Variants in BRME1 observed in about 807,000 individuals in gnomAD.
BRME1 encodes BRCA2 and MEILB2-associating protein 1.
BRME1 carries 31 observed loss-of-function variants against 52.6 expected under a neutral mutation model. The observed-to-expected ratio is 0.59, with a 90% CI of 0.44 to 0.80. BRME1 has a LOEUF of 0.80. BRME1 is among the 30% of genes least tolerant of loss of function. The pLI is 0.00. For synonymous variants in BRME1, 359 were observed against 353.6 expected, an observed-to-expected ratio of 1.02 and a Z score of -0.17; for missense variants, 804 against 860.3, an observed-to-expected ratio of 0.93 and a Z score of 0.82.
intron 6 of BRME1, among the ~76,000 whole-genome samples, chr19:13,886,637 T>TC: frequency 6.6e-6 from 1 of 151,922 alleles, no homozygotes; most frequent in Admixed American, 6.6e-5. Flanking sequence ...AATGTTAAGC[T>TC]CCGTTACAGT....
At chr19:13,886,893 G>A (rs756924244) in intron 6 of BRME1, among the ~76,000 whole-genome samples, 33 of 152,158 alleles carry the variant, frequency 2.2e-4, no homozygotes, top group Admixed American at 3.9e-4. Flanking sequence ...GCTTGAGCCC[G>A]GGAGGTTGAG....
rs1968716675 is a variant in BRME1 at position 13,882,710 on chromosome 19, T to C, written c.*92A>G. ...ACTTCCGGGCAACTGAAGGGAGGTT[T>C]GTAGGGTCCACTAGGACCCCCTGGA... On this transcript the variant is annotated 3_prime_UTR_variant, in exon 9 of 9. Transcript: ENST00000586783. The C allele has an allele frequency of 6.6e-7, 1 of 1,522,466 alleles. No homozygotes were observed. Among genetic ancestry groups the C allele is most frequent in the Non-Finnish European group, 8.9e-7 (1 of 1,117,320 alleles). The allele number at this position is 1,522,466 out of a possible 1,614,324, so 94.3% of individuals were successfully genotyped here. A position where few individuals can be genotyped will look rare whatever the true frequency, so the allele number is the denominator to read the frequency against.
intron 4 of BRME1, 112 bp from the exon 5 acceptor site, chr19:13,893,002 C>A: frequency 7.3e-7 from 1 of 1,360,728 alleles, no homozygotes; most frequent in Non-Finnish European, 1.0e-6. Context: ...GAGAACTCCA[C>A]CCTTGCCCTC....
At chr19:13,901,159 T>C (rs1050747310) in intron 2 of BRME1, among the ~76,000 whole-genome samples, 1 of 150,990 alleles carries the variant, frequency 6.6e-6, no homozygotes, top group Non-Finnish European at 1.5e-5. Flanking sequence ...TTTTTTTTTT[T>C]AGAGACTGGG....
At chr19:13,893,309 C>T (rs1463484047) in intron 3 of BRME1, 86 bp from the exon 4 acceptor site, 83 of 1,180,202 alleles carry the variant, frequency 7.0e-5, no homozygotes, top group East Asian at 2.1e-4. Flanking sequence ...GCGGCTGAGG[C>T]GGGCAGATCA....
chr19:13,903,317 A>C (rs930641358), intron 2 of BRME1, among the ~76,000 whole-genome samples: 1 of 151,938 alleles, frequency 6.6e-6, no homozygotes, highest in African/African-American at 2.4e-5. Flanking sequence ...AGGATATTTG[A>C]GCAGCATCCC....
intron 6 of BRME1, among the ~76,000 whole-genome samples, chr19:13,886,614 A>C (rs1172930350): frequency 6.6e-6 from 1 of 152,096 alleles, no homozygotes; most frequent in African/African-American, 2.4e-5. Flanking sequence ...ATGGTGGTTT[A>C]ATTTCCATGG....
Position 13,889,618 on chromosome 19 carries a change from A to G in BRME1, c.1238T>C (p.Val413Ala), listed in dbSNP as rs747401616. 1.9e-6 allele frequency: 3 copies of G among 1,609,446 alleles called. No homozygotes were observed. In the South Asian group the frequency reaches 3.3e-5, roughly 18 times the overall value. The change falls in exon 6 of 9, where the codon GTG becomes GCG. Residue 413 changes from valine (V) to alanine (A), a missense_variant. Val to Ala is a moderately conservative substitution (Grantham distance 64). Coordinates refer to ENST00000586783, the MANE Select transcript of BRME1 (RefSeq NM_001345843.2). ...CAGAGCCAGGGAGGCTGTAGGGCCC[A>G]CTAGGACATCGCCGGGGGGCTTGCC... is the stretch of plus-strand genomic sequence containing the variant. The part of the protein sequence containing the change: ...QDGKPPGDVL[V>A]GPTASLALAP...
intron 2 of BRME1, among the ~76,000 whole-genome samples, chr19:13,896,977 C>T (rs1159452421): frequency 6.6e-6 from 1 of 151,788 alleles, no homozygotes; most frequent in Admixed American, 6.6e-5. Context: ...GAATTACAGG[C>T]ATGAACCACT....
intron 5 of BRME1, among the ~76,000 whole-genome samples, chr19:13,891,135 T>TTTTTTATTATTA (rs59151567): frequency 0.048 from 7,012 of 146,612 alleles, 590 homozygotes; most frequent in African/African-American, 0.16. Context: ...CAATTTCCTG[T>TTTTTTATTATTA]TTATTATTAT....
chr19:13,901,780 G>A (rs1039511376), intron 2 of BRME1, among the ~76,000 whole-genome samples: 1 of 151,980 alleles, frequency 6.6e-6, no homozygotes, highest in East Asian at 1.9e-4. Flanking sequence ...GCTCATGCCT[G>A]TAATTCTGAG....
chr19:13,895,848 A>G (rs866805332), intron 2 of BRME1, among the ~76,000 whole-genome samples: 8 of 152,326 alleles, frequency 5.3e-5, no homozygotes, highest in Middle Eastern at 3.4e-3. Flanking sequence ...ACTCACAGCC[A>G]CCGGGTGCTG....
intron 6 of BRME1, among the ~76,000 whole-genome samples, chr19:13,887,417 G>A (rs770316871): frequency 7.9e-5 from 12 of 152,190 alleles, no homozygotes; most frequent in Non-Finnish European, 1.6e-4. Context: ...AATGCTGGTC[G>A]GGTTTGACCA....
intron 6 of BRME1, 114 bp downstream of exon 6, chr19:13,889,074 G>A: frequency 9.1e-6 from 9 of 989,908 alleles, no homozygotes; most frequent in Non-Finnish European, 1.3e-5. Flanking sequence ...CTGTGTAAAT[G>A]GTAAGCCCTG....
chr19:13,894,927 C>T (rs1011945710), intron 3 of BRME1, among the ~76,000 whole-genome samples: 1 of 152,120 alleles, frequency 6.6e-6, no homozygotes, highest in Non-Finnish European at 1.5e-5. Context: ...GTTGCCCAGG[C>T]TGGAGCGTAG....
rs148441944 is a variant in BRME1, at chr19:13,892,471, C to T, written c.393+315G>A. On this transcript the variant is annotated intron_variant, in intron 5 of 8. Coordinates refer to ENST00000586783, the MANE Select transcript of BRME1 (RefSeq NM_001345843.2). ...CGCGGTGGGCAGGCGTCTGTTATCC[C>T]AGCTACTTGGGAGGCTGAGGCGGGA... Among the ~76,000 whole-genome samples the T allele has an allele frequency of 6.5e-3, 984 of 152,098 alleles. 16 individuals are homozygous for T. The highest frequency in any genetic ancestry group is 0.023 in the African/African-American group (950 of 41,478).
At chr19:13,887,243 C>A (rs992952908) in intron 6 of BRME1, among the ~76,000 whole-genome samples, 1 of 152,234 alleles carries the variant, frequency 6.6e-6, no homozygotes, top group Non-Finnish European at 1.5e-5. Flanking sequence ...ACACGGGCCT[C>A]GGCCTTCCTG....
Position 13,883,412 on chromosome 19 carries a change from G to C in BRME1, c.1764-12C>G. On this transcript the variant is annotated splice_polypyrimidine_tract_variant and intron_variant, in intron 7 of 8. Coordinates refer to ENST00000586783, the MANE Select transcript of BRME1 (RefSeq NM_001345843.2). The surrounding 1 kb of genome is among the most constrained non-coding windows in gnomAD (Gnocchi z 4.2). ...TCCCCACGAAGGTCCTGGCCAGCAG[G>C]GAAGGAAATTGAGAGTGGCCCGACC... 2 of 1,528,348 alleles carry C rather than the reference G, an allele frequency of 1.3e-6. No individual in the cohort carries two copies. The highest frequency in any genetic ancestry group is 1.8e-6 in the Non-Finnish European group (2 of 1,140,380). The allele number at this position is 1,528,348 out of a possible 1,614,324, so 94.7% of individuals were successfully genotyped here. A position where few individuals can be genotyped will look rare whatever the true frequency, so the allele number is the denominator to read the frequency against.
rs1347231126 is a variant in BRME1, at chr19:13,888,157, G to A, written c.1668+1031C>T. On this transcript the variant is annotated intron_variant, in intron 6 of 8. Coordinates refer to ENST00000586783, the MANE Select transcript of BRME1 (RefSeq NM_001345843.2). This position sits in a 1 kb window ranked among gnomAD's most constrained non-coding sequence, Gnocchi z 4.1. ...CAGGCTGGTCCTGCTCTCCTGCCTC[G>A]GTCTCCCAAAGTCCTGAGATTACAG... Among the ~76,000 whole-genome samples the A allele has an allele frequency of 6.6e-6, 1 of 151,634 alleles. No homozygotes were observed. Among genetic ancestry groups the A allele is most frequent in the Non-Finnish European group, 1.5e-5 (1 of 67,942 alleles).
Sources: gnomAD v4.1 joint callset for allele counts (sites outside exome capture counted in the v4.1 genomes callset) on GRCh38, gnomAD v4.1.1 for gene constraint, Gnocchi (gnomAD v3.1) non-coding constraint, MANE v1.5 for transcripts, NCBI Gene and HGNC (gene_info 2026-07-23, HGNC 2026-07-21) for gene names.